The following DLGAP1 variants were observed in gnomAD, a reference collection of about 807,000 sequenced individuals.
DLGAP1 encodes the protein DLG associated protein 1.
In DLGAP1, 11 loss-of-function variants were observed where a neutral mutation model predicts 90.8. The observed-to-expected ratio is 0.12, with a 90% CI of 0.08 to 0.20. The LOEUF is 0.20. Among genes scored for constraint, DLGAP1 ranks in the 10% least tolerant of loss-of-function variants. The pLI is 1.00. For missense variants in DLGAP1, 1,050 were observed against 1,333.8 expected (o/e 0.79, Z 3.31); for synonymous variants, 558 against 540.7 (o/e 1.03, Z -0.44).
intron 3 of DLGAP1, among the ~76,000 whole-genome samples, chr18:3,990,505 G>C (rs1236716545): frequency 7.9e-6 from 1 of 125,956 alleles, no homozygotes; most frequent in Non-Finnish European, 1.7e-5. Context: ...AGGGGGGAGG[G>C]ATAGCATTAG....
chr18:4,006,812 A>G (rs1158273622), intron 2 of DLGAP1, among the ~76,000 whole-genome samples: 1 of 151,974 alleles, frequency 6.6e-6, no homozygotes, highest in African/African-American at 2.4e-5. Flanking sequence ...TACCTGGCTA[A>G]TTTAAAAAAT....
intron 1 of DLGAP1, among the ~76,000 whole-genome samples, chr18:4,208,925 C>G (rs2077780683): frequency 6.6e-6 from 1 of 152,104 alleles, no homozygotes; most frequent in African/African-American, 2.4e-5. Flanking sequence ...GAACTCATTA[C>G]CTGCAGAAAG....
Position 4,097,106 on chromosome 18 carries a change from C to G in DLGAP1, c.-159+54074G>C, listed in dbSNP as rs190610198. 3.3e-5 allele frequency among the ~76,000 whole-genome samples: 5 copies of G among 152,312 alleles called. No individual in the cohort carries two copies. The East Asian group carries it at 9.6e-4, about 29-fold the overall frequency. ...GACCCACATATATTATTCAATTGAA[C>G]AAACACTTTCAAAGGCTCCAATTGT... On this transcript the variant is annotated intron_variant, in intron 2 of 12. Transcript: ENST00000315677.
At chr18:3,659,733 G>T (rs960135806) in intron 7 of DLGAP1, among the ~76,000 whole-genome samples, 1 of 151,910 alleles carries the variant, frequency 6.6e-6, no homozygotes, top group African/African-American at 2.4e-5. Context: ...ACCCAGCTAA[G>T]TTTCGTATTT....
At position 4,454,406 on chromosome 18, in the gene DLGAP1, T is replaced by TTCTCTCTC. The variant is rs1555621484; in HGVS notation, c.-267+592_-267+599dup. On this transcript the variant is annotated intron_variant, in intron 1 of 12. Transcript: ENST00000315677. This position sits in a 1 kb window ranked among gnomAD's most constrained non-coding sequence, Gnocchi z 4.7. The stretch of plus-strand genomic sequence containing the variant: ...CAGTGACCTCCTCCTTGGACCCCAT[T>TTCTCTCTC]TCTCTCTCTCTCTCTCTCTCTGTGC... Among the ~76,000 whole-genome samples, 3 of 150,558 alleles carry TTCTCTCTC rather than the reference T, an allele frequency of 2.0e-5. No individual in the cohort carries two copies. Among genetic ancestry groups the TTCTCTCTC allele is most frequent in the Non-Finnish European group, 4.4e-5 (3 of 67,496 alleles).
rs760443235 is a variant in DLGAP1 at position 4,053,953 on chromosome 18, T to C, written c.-158-48752A>G. On this transcript the variant is annotated intron_variant, in intron 2 of 12. Transcript: ENST00000315677. ...AGTTATTTTATAGTTTCTTGAATACTTGAAGCAAGGGTATTCCAGAAATCT... is the reference window on the plus strand; with the variant it reads ...AGTTATTTTATAGTTTCTTGAATACCTGAAGCAAGGGTATTCCAGAAATCT... Among the ~76,000 whole-genome samples the C allele has an allele frequency of 1.3e-4, 20 of 152,224 alleles. 1 individual carries two copies. The Middle Eastern group carries it at 9.5e-3, about 72-fold the overall frequency.
At chr18:3,771,109 T>C (rs2064512117) in intron 5 of DLGAP1, 1 of 152,206 alleles carries the variant, frequency 6.6e-6, no homozygotes, top group South Asian at 2.1e-4. Flanking sequence ...TATAAGCTAT[T>C]CGACATATTC....
intron 1 of DLGAP1, among the ~76,000 whole-genome samples, chr18:4,219,253 C>A (rs993713388): frequency 2.0e-5 from 3 of 151,664 alleles, no homozygotes; most frequent in African/African-American, 7.3e-5. Flanking sequence ...TTTCATATAT[C>A]TGTTGGCCAT....
chr18:3,998,514 G>T (rs1982246), intron 3 of DLGAP1, among the ~76,000 whole-genome samples: 144,946 of 152,188 alleles, frequency 0.95, 69,027 homozygotes, highest in East Asian at 1. Context: ...CAGGGAGCCT[G>T]TGATTCCTTT....
At chr18:3,947,020 G>A (rs2072890665) in intron 3 of DLGAP1, among the ~76,000 whole-genome samples, 1 of 152,130 alleles carries the variant, frequency 6.6e-6, no homozygotes, top group Non-Finnish European at 1.5e-5. Context: ...TTGAATGGGT[G>A]TTCAACAGTA....
intron 9 of DLGAP1, among the ~76,000 whole-genome samples, chr18:3,551,479 C>T (rs58866120): frequency 0.77 from 117,363 of 151,894 alleles, 45,714 homozygotes; most frequent in East Asian, 0.92. Flanking sequence ...GAACTTCTGA[C>T]CTCAGGTGAT....
intron 2 of DLGAP1, among the ~76,000 whole-genome samples, chr18:4,063,369 TAGCAGGA>T (rs2075326884): frequency 6.6e-6 from 1 of 152,134 alleles, no homozygotes; most frequent in Non-Finnish European, 1.5e-5. Context: ...GCAATGAAGC[TAGCAGGA>T]AAGTCTCTTA....
intron 4 of DLGAP1, chr18:3,845,395 G>A (rs561464806): frequency 7.1e-7 from 1 of 1,411,524 alleles, no homozygotes; most frequent in Non-Finnish European, 9.3e-7. Flanking sequence ...CTTGGGGGTG[G>A]GGGGAGAGTG....
At chr18:3,954,361 A>G (rs1204141978) in intron 3 of DLGAP1, among the ~76,000 whole-genome samples, 1 of 152,248 alleles carries the variant, frequency 6.6e-6, no homozygotes, top group African/African-American at 2.4e-5. Context: ...CTGCCAAAAC[A>G]GGATTTTTGA....
chr18:4,150,711 G>A (rs12966600), intron 2 of DLGAP1, among the ~76,000 whole-genome samples: 14,864 of 152,272 alleles, frequency 0.098, 922 homozygotes, highest in East Asian at 0.28. Flanking sequence ...TGGAATTACA[G>A]GCGTGAGCCA....
intron 4 of DLGAP1, among the ~76,000 whole-genome samples, chr18:3,828,639 CAAAAAA>C (rs71368713): frequency 4.7e-4 from 10 of 21,368 alleles, no homozygotes; most frequent in Non-Finnish European, 8.2e-4. Context: ...GACTCTATCT[CAAAAAA>C]AAAAAAAAAA....
intron 10 of DLGAP1, among the ~76,000 whole-genome samples, chr18:3,521,156 C>G (rs2051162063): frequency 6.6e-6 from 1 of 152,218 alleles, no homozygotes; most frequent in Non-Finnish European, 1.5e-5. Flanking sequence ...CTCAACACCT[C>G]CTGTCTCCCC....
At chr18:3,967,114 A>G (rs536128416) in intron 3 of DLGAP1, among the ~76,000 whole-genome samples, 1 of 152,314 alleles carries the variant, frequency 6.6e-6, no homozygotes, top group East Asian at 1.9e-4. Context: ...TGAGTGACTA[A>G]TCTTATTTTA....
intron 1 of DLGAP1, among the ~76,000 whole-genome samples, chr18:4,429,315 C>A (rs1244730663): frequency 2.6e-5 from 4 of 152,122 alleles, no homozygotes; most frequent in African/African-American, 9.7e-5. Context: ...AATTTATCAA[C>A]AGCCACCACT....
Sources: allele counts gnomAD v4.1 joint callset (sites outside exome capture counted in the v4.1 genomes callset), GRCh38; gene constraint gnomAD v4.1.1; non-coding constraint Gnocchi (gnomAD v3.1); transcripts MANE v1.5; gene names NCBI Gene and HGNC (gene_info 2026-07-23, HGNC 2026-07-21).